Variants in WWOX observed in about 807,000 individuals in gnomAD.
WWOX encodes WW domain-containing oxidoreductase.
In WWOX, 69 loss-of-function variants were observed where a neutral mutation model predicts 46.2. The ratio of observed to expected loss-of-function variants is 1.49; its 90% CI spans 1.23 to 1.82. The LOEUF is 1.82. Among genes scored for constraint, WWOX ranks in the 40% most tolerant of loss-of-function variants. WWOX has a pLI of 0.00. For synonymous variants in WWOX, 359 were observed against 202.6 expected (o/e 1.77, Z -6.56); for missense variants, 919 against 542.6 (o/e 1.69, Z -6.89).
intron 5 of WWOX, chr16:78,355,413 T>A (rs190951710): frequency 3.6e-6 from 1 of 278,090 alleles, no homozygotes; most frequent in African/African-American, 2.3e-5. Flanking sequence ...CCATCCTGGC[T>A]AACACGGTGA....
intron 3 of WWOX, among the ~76,000 whole-genome samples, chr16:78,113,174 A>G (rs1417767098): frequency 6.6e-6 from 1 of 152,164 alleles, no homozygotes; most frequent in African/African-American, 2.4e-5. Context: ...TGGGAATTCA[A>G]TAAAAATGTA....
intron 8 of WWOX, among the ~76,000 whole-genome samples, chr16:78,793,234 A>AT (rs1449026156): frequency 6.6e-6 from 1 of 151,794 alleles, no homozygotes; most frequent in Non-Finnish European, 1.5e-5. Flanking sequence ...TAATTTTTAT[A>AT]TTTTTTTGTA....
chr16:78,194,975 A>T (rs981504422), intron 5 of WWOX, among the ~76,000 whole-genome samples: 6 of 152,166 alleles, frequency 3.9e-5, no homozygotes, highest in African/African-American at 1.4e-4. Context: ...CTTTTTAAAC[A>T]TCTGTTGAAG....
chr16:78,709,571 C>T (rs768125053), intron 8 of WWOX, among the ~76,000 whole-genome samples: 2 of 152,120 alleles, frequency 1.3e-5, no homozygotes, highest in African/African-American at 2.4e-5. Flanking sequence ...TGCCTGTCTG[C>T]ACTGCCCTGC....
chr16:78,663,836 G>A (rs2047270243), intron 8 of WWOX, among the ~76,000 whole-genome samples: 1 of 152,212 alleles, frequency 6.6e-6, no homozygotes, highest in Non-Finnish European at 1.5e-5. Flanking sequence ...GGTGCAGCAA[G>A]TGCAAAGGCC....
chr16:79,187,095 A>G (rs1275829530), intron 8 of WWOX, among the ~76,000 whole-genome samples: 1 of 152,218 alleles, frequency 6.6e-6, no homozygotes, highest in Admixed American at 6.5e-5. Flanking sequence ...TAGGGGGGTC[A>G]TTAGAAAATC....
chr16:78,414,730 C>T (rs2082761028), intron 6 of WWOX, among the ~76,000 whole-genome samples: 1 of 152,182 alleles, frequency 6.6e-6, no homozygotes, highest in South Asian at 2.1e-4. Flanking sequence ...CCCCTCTCAT[C>T]CTAACGTGGT....
At chr16:78,783,731 G>A (rs1450522014) in intron 8 of WWOX, among the ~76,000 whole-genome samples, 1 of 15,054 alleles carries the variant, frequency 6.6e-5, no homozygotes, top group Non-Finnish European at 1.2e-4. Flanking sequence ...TGATGTTGAT[G>A]TTGATGATGA....
At chr16:78,610,690 G>T (rs117996325) in intron 8 of WWOX, among the ~76,000 whole-genome samples, 7 of 152,176 alleles carry the variant, frequency 4.6e-5, no homozygotes, top group Non-Finnish European at 1.0e-4. Context: ...TTTTATATTA[G>T]GTCTGAGATG....
chr16:78,109,736 C>T (rs972143971), intron 2 of WWOX, 42 bp from the exon 3 acceptor site: 19 of 1,609,296 alleles, frequency 1.2e-5, no homozygotes, highest in Non-Finnish European at 1.4e-5. Context: ...ATGGTCTTTA[C>T]TTCTCCCTGG....
chr16:79,186,763 T>C (rs532234914), intron 8 of WWOX, among the ~76,000 whole-genome samples: 2 of 152,172 alleles, frequency 1.3e-5, no homozygotes, highest in Non-Finnish European at 2.9e-5. Context: ...TGGGAATTTT[T>C]CTCCAATCCT....
intron 8 of WWOX, among the ~76,000 whole-genome samples, chr16:78,693,143 A>T (rs1471926389): frequency 6.6e-6 from 1 of 152,214 alleles, no homozygotes; most frequent in East Asian, 1.9e-4. Context: ...TGTTGCAGAC[A>T]ATGTATATTT....
intron 8 of WWOX, among the ~76,000 whole-genome samples, chr16:78,625,980 C>T (rs2046302032): frequency 6.6e-6 from 1 of 151,242 alleles, no homozygotes. Context: ...AAAGTAATGG[C>T]ACCAACCTAA....
At chr16:78,463,636 A>G (rs1175535624) in intron 8 of WWOX, among the ~76,000 whole-genome samples, 1 of 152,202 alleles carries the variant, frequency 6.6e-6, no homozygotes, top group African/African-American at 2.4e-5. Context: ...GGCACATAGT[A>G]GGTTCTCAAT....
intron 8 of WWOX, among the ~76,000 whole-genome samples, chr16:78,514,936 C>T (rs148173282): frequency 1.3e-5 from 2 of 152,046 alleles, no homozygotes; most frequent in African/African-American, 4.8e-5. Flanking sequence ...TTTTGAGAAT[C>T]ACAGGCGTTT....
intron 8 of WWOX, among the ~76,000 whole-genome samples, chr16:78,661,278 T>G (rs2047205755): frequency 6.6e-6 from 1 of 152,182 alleles, no homozygotes; most frequent in South Asian, 2.1e-4. Context: ...TGGAATGCCA[T>G]TGACAGGTCC....
chr16:78,500,858 G>C (rs973681642), intron 8 of WWOX, among the ~76,000 whole-genome samples: 1 of 152,184 alleles, frequency 6.6e-6, no homozygotes, highest in Non-Finnish European at 1.5e-5. Flanking sequence ...GGGCCTGCTA[G>C]GAGTCGATAT....
chr16:78,401,617 C>A (rs970422883), intron 6 of WWOX, among the ~76,000 whole-genome samples: 14 of 151,940 alleles, frequency 9.2e-5, no homozygotes, highest in African/African-American at 3.4e-4. Context: ...GGCTACTTAA[C>A]GCATTTTGAG....
At chr16:78,470,186 A>T (rs554902271) in intron 8 of WWOX, among the ~76,000 whole-genome samples, 6 of 152,186 alleles carry the variant, frequency 3.9e-5, no homozygotes, top group African/African-American at 1.4e-4. Flanking sequence ...TTGTCTGCAC[A>T]AAGCTGGTGG....
Sources: allele counts gnomAD v4.1 joint callset (sites outside exome capture counted in the v4.1 genomes callset), GRCh38; gene constraint gnomAD v4.1.1; transcripts MANE v1.5; gene names NCBI Gene and HGNC (gene_info 2026-07-23, HGNC 2026-07-21).